SETDB2: variants seen among roughly 807,000 people sequenced by gnomAD.
The protein encoded by SETDB2 is histone-lysine N-methyltransferase SETDB2.
SETDB2 carries 56 observed loss-of-function variants against 82.5 expected under a neutral mutation model. That is an observed-to-expected ratio of 0.68 (90% CI 0.55 to 0.85). SETDB2 has a LOEUF of 0.85. Ranked by LOEUF, SETDB2 falls within the 40% of genes least tolerant of loss-of-function variation. SETDB2 has a pLI of 0.00. For missense variants in SETDB2, 677 were observed against 816.4 expected (o/e 0.83, Z 2.08); for synonymous variants, 272 against 284.9 (o/e 0.95, Z 0.46).
At position 49,482,757 on chromosome 13, in the gene SETDB2, AAC is replaced by A; in HGVS notation, c.1180_1181del (p.Thr394Ter). 4 of 1,610,678 alleles carry A rather than the reference AAC, an allele frequency of 2.5e-6. No homozygotes were observed. The highest frequency in any genetic ancestry group is 3.4e-6 in the Non-Finnish European group (4 of 1,177,550). ...TTTAGGAAGATTACTAAGCAGAGCT[AAC>A]ACTGAAAAATCTTATGGTATTGATG... ...IYSGRLLSRA[N>X]TEKSYGIDEN... On this transcript the variant is annotated frameshift_variant, in exon 9 of 14. Coordinates refer to ENST00000611815, the MANE Select transcript of SETDB2 (RefSeq NM_001160308.3). LOFTEE classifies it high-confidence loss of function.
chr13:49,492,552 T>TG lies in SETDB2; in HGVS notation c.*704dup, dbSNP rs1296787489. 6.6e-6 allele frequency: 1 copy of TG among 152,246 alleles called. No individual in the cohort carries two copies. The highest frequency in any genetic ancestry group is 1.5e-5 in the Non-Finnish European group (1 of 68,072). 9.4% of individuals were successfully genotyped at this position (152,246 alleles called of 1,614,324 possible). A position where few individuals can be genotyped will look rare whatever the true frequency, so the allele number is the denominator to read the frequency against. Reference sequence around the variant, plus strand: ...GAGGGAATAGAAACCTGGAGGAACTTGAATATTTTTGTTCTAGATAGAGAT... The same window carrying TG: ...GAGGGAATAGAAACCTGGAGGAACTTGGAATATTTTTGTTCTAGATAGAGAT... On this transcript the variant is annotated 3_prime_UTR_variant, in exon 14 of 14. Coordinates refer to ENST00000611815, the MANE Select transcript of SETDB2 (RefSeq NM_001160308.3).
intron 3 of SETDB2, among the ~76,000 whole-genome samples, chr13:49,460,830 G>A (rs1185147147): frequency 6.6e-6 from 1 of 152,090 alleles, no homozygotes; most frequent in African/African-American, 2.4e-5. Context: ...AATTGGCACT[G>A]TTTTTCATTT....
intron 2 of SETDB2, among the ~76,000 whole-genome samples, chr13:49,457,361 C>A (rs1358570014): frequency 2.8e-5 from 3 of 106,996 alleles, no homozygotes; most frequent in African/African-American, 1.1e-4. Flanking sequence ...ATTTCTAAGA[C>A]TTTTTTTTTT....
intron 6 of SETDB2, 117 bp downstream of exon 6, chr13:49,477,156 C>G: frequency 2.0e-6 from 2 of 994,988 alleles, no homozygotes; most frequent in Non-Finnish European, 2.8e-6. Flanking sequence ...TACAGTAAGA[C>G]TGGGCGTGGT....
chr13:49,468,747 TA>T (rs1489029798), intron 5 of SETDB2, among the ~76,000 whole-genome samples: 2 of 152,010 alleles, frequency 1.3e-5, no homozygotes, highest in Non-Finnish European at 2.9e-5. Flanking sequence ...GATTTACAAA[TA>T]TTAGAGATGT....
intron 5 of SETDB2, among the ~76,000 whole-genome samples, chr13:49,473,805 G>A (rs1438680061): frequency 6.6e-6 from 1 of 152,106 alleles, no homozygotes; most frequent in Non-Finnish European, 1.5e-5. Context: ...AAAGAAAATA[G>A]GGTGTTTTAT....
At position 49,492,728 on chromosome 13, in the gene SETDB2, G is replaced by T. The variant is rs1048674234; in HGVS notation, c.*879G>T. On this transcript the variant is annotated 3_prime_UTR_variant, in exon 14 of 14. Coordinates refer to ENST00000611815, the MANE Select transcript of SETDB2 (RefSeq NM_001160308.3). The stretch of plus-strand genomic sequence containing the variant: ...AATCCCAGCACTTTGAGAGGCCGAG[G>T]CAGGTGGATTACTTGAGCCTAGGGG... The T allele has an allele frequency of 6.6e-6, 1 of 152,174 alleles. No homozygotes were observed. Among genetic ancestry groups the T allele is most frequent in the South Asian group, 2.1e-4 (1 of 4,826 alleles). The allele number at this position is 152,174 out of a possible 1,614,324, so 9.4% of individuals were successfully genotyped here.
chr13:49,449,333 C>T (rs1238535844), intron 1 of SETDB2, among the ~76,000 whole-genome samples: 1 of 152,116 alleles, frequency 6.6e-6, no homozygotes, highest in African/African-American at 2.4e-5. Context: ...TCACTGCAAC[C>T]TCTGCCTCCC....
intron 6 of SETDB2, among the ~76,000 whole-genome samples, chr13:49,477,364 A>C (rs1958389044): frequency 6.6e-6 from 1 of 152,142 alleles, no homozygotes; most frequent in Non-Finnish European, 1.5e-5. Context: ...TGAGCCCAGG[A>C]GGTCAAGGAT....
At position 49,479,043 on chromosome 13, in the gene SETDB2, G is replaced by C. The variant is rs542072200; in HGVS notation, c.870-1176G>C. On this transcript the variant is annotated intron_variant, in intron 6 of 13. Coordinates refer to ENST00000611815, the MANE Select transcript of SETDB2 (RefSeq NM_001160308.3). ...GGATGGGTCTCAAAAACATTATATT[G>C]AACAACAAAAAAAGCAAGTTATAGA... Among the ~76,000 whole-genome samples the C allele has an allele frequency of 1.5e-4, 23 of 151,998 alleles. No homozygotes were observed. The South Asian group carries it at 4.6e-3, about 30-fold the overall frequency.
rs867080155 is a variant in SETDB2, at chr13:49,467,898, C to A, written c.243C>A (p.Asn81Lys). 6.2e-7 allele frequency: 1 copy of A among 1,611,254 alleles called. No individual in the cohort carries two copies. Among genetic ancestry groups the A allele is most frequent in the Non-Finnish European group, 8.5e-7 (1 of 1,179,036 alleles). Residue 81 changes from asparagine (N) to lysine (K), a missense_variant, in exon 5 of 14, where the codon AAC (asparagine) becomes AAA (lysine). By Grantham distance (94) the Asn-to-Lys change is moderately conservative. Transcript: ENST00000611815. The stretch of plus-strand genomic sequence containing the variant: ...CTGTGACTCAGAAGGAACAGGAAAA[C>A]AAATCCAATGCATTTCCCTCTACAT... The part of the protein sequence containing the change: ...PMPVTQKEQE[N>K]KSNAFPSTSC...
chr13:49,446,275 CTTGAG>C, intron 1 of SETDB2: 1 of 422,308 alleles, frequency 2.4e-6, no homozygotes, highest in African/African-American at 2.1e-5. Context: ...AGATTTTGAC[CTTGAG>C]TTTTTTCTTG....
At chr13:49,480,840 G>A in intron 7 of SETDB2, 107 bp from the exon 8 acceptor site, 1 of 1,150,894 alleles carries the variant, frequency 8.7e-7, no homozygotes, top group Admixed American at 2.1e-5. Context: ...ACCTCTAAGA[G>A]CTTTCACATT....
chr13:49,479,626 T>C (rs1184935852), intron 6 of SETDB2, among the ~76,000 whole-genome samples: 1 of 152,200 alleles, frequency 6.6e-6, no homozygotes, highest in Non-Finnish European at 1.5e-5. Flanking sequence ...GTTACACAGC[T>C]AGAGTCCCCA....
chr13:49,490,964 AAT>A, intron 13 of SETDB2, 54 bp downstream of exon 13: 1 of 1,434,550 alleles, frequency 7.0e-7, no homozygotes, highest in Non-Finnish European at 9.8e-7. Context: ...TAAAAATAAC[AAT>A]AGAGGGCTGA....
At chr13:49,453,223 C>A (rs1264424161) in intron 2 of SETDB2, among the ~76,000 whole-genome samples, 1 of 151,932 alleles carries the variant, frequency 6.6e-6, no homozygotes, top group African/African-American at 2.4e-5. Flanking sequence ...AGTTACAAGC[C>A]AGTACTACTT....
chr13:49,462,254 TA>T (rs561023105), intron 4 of SETDB2, among the ~76,000 whole-genome samples: 2 of 152,296 alleles, frequency 1.3e-5, no homozygotes, highest in South Asian at 4.1e-4. Context: ...GCGAACTCAT[TA>T]ACCATGCCTT....
intron 8 of SETDB2, chr13:49,482,063 A>C (rs1308758308): frequency 1.0e-6 from 1 of 985,308 alleles, no homozygotes; most frequent in African/African-American, 1.7e-5. Flanking sequence ...CTAGACGTTC[A>C]TCTCTCATAC....
chr13:49,472,469 C>T (rs1239530969), intron 5 of SETDB2, among the ~76,000 whole-genome samples: 1 of 152,178 alleles, frequency 6.6e-6, no homozygotes, highest in Non-Finnish European at 1.5e-5. Flanking sequence ...GTCCAGACAG[C>T]CGTGGACTTC....
Sources: gnomAD v4.1 joint callset for allele counts (sites outside exome capture counted in the v4.1 genomes callset) on GRCh38, gnomAD v4.1.1 for gene constraint, MANE v1.5 for transcripts, NCBI Gene and HGNC (gene_info 2026-07-23, HGNC 2026-07-21) for gene names.